Variants in TTI2 observed in about 807,000 individuals in gnomAD.
TTI2 encodes TELO2 interacting protein 2.
Under a neutral mutation model 44.9 loss-of-function variants are expected in TTI2, and 26 were observed. That is an observed-to-expected ratio of 0.58 (90% CI 0.42 to 0.80). The LOEUF (loss-of-function observed/expected upper bound fraction) is 0.80, where lower values mean the gene tolerates loss of function less well. Ranked by LOEUF, TTI2 falls within the 30% of genes least tolerant of loss-of-function variation. TTI2 has a pLI of 0.00. For missense variants in TTI2, 582 were observed against 611.6 expected (o/e 0.95, Z 0.51); for synonymous variants, 254 against 250.9 (o/e 1.01, Z -0.12).
intron 4 of TTI2, 26 bp downstream of exon 4, chr8:33,507,203 C>T: frequency 6.3e-7 from 1 of 1,593,294 alleles, no homozygotes; most frequent in Admixed American, 1.7e-5. Context: ...AATCCAGACC[C>T]AGTTATGAAG....
At chr8:33,502,696 G>T (rs1181095454) in intron 6 of TTI2, among the ~76,000 whole-genome samples, 2 of 151,644 alleles carry the variant, frequency 1.3e-5, no homozygotes, top group Non-Finnish European at 2.9e-5. Flanking sequence ...CATGGTGGAG[G>T]GCACCTGTAA....
intron 7 of TTI2, chr8:33,499,634 A>G (rs187036430): frequency 5.0e-6 from 1 of 201,258 alleles, no homozygotes; most frequent in Admixed American, 5.4e-5. Context: ...TAAAATAACA[A>G]TTCATACTAT....
intron 4 of TTI2, among the ~76,000 whole-genome samples, chr8:33,506,389 C>CTTTT (rs10542848): frequency 9.4e-6 from 1 of 106,914 alleles, no homozygotes; most frequent in Non-Finnish European, 2.0e-5. Flanking sequence ...AAGTAACGTA[C>CTTTT]TTTTTTTTTT....
At chr8:33,508,281 A>G (rs1809379675) in intron 3 of TTI2, among the ~76,000 whole-genome samples, 1 of 151,628 alleles carries the variant, frequency 6.6e-6, no homozygotes, top group African/African-American at 2.4e-5. Flanking sequence ...TTTGGTTTCT[A>G]GATCCAGGAA....
chr8:33,509,836 T>C lies in TTI2; in HGVS notation c.744A>G (p.Val248=). The change falls in exon 3 of 8, where the codon GTA becomes GTG. Residue 248 remains valine, a synonymous_variant. Coordinates refer to ENST00000431156, the MANE Select transcript of TTI2 (RefSeq NM_001102401.4). ...CTGAAATGACCAATGATGCGGGAAGTACCCTTTCCAGATGCTGGCTCAGCC... is the reference window on the plus strand; with the variant it reads ...CTGAAATGACCAATGATGCGGGAAGCACCCTTTCCAGATGCTGGCTCAGCC... ...RPWLSQHLER[V]LPASLVISDD... The C allele has an allele frequency of 6.2e-7, 1 of 1,614,140 alleles. No individual in the cohort carries two copies. Among genetic ancestry groups the C allele is most frequent in the Non-Finnish European group, 8.5e-7 (1 of 1,179,980 alleles).
At position 33,512,323 on chromosome 8, in the gene TTI2, C is replaced by T. The variant is rs1809569160; in HGVS notation, c.291G>A (p.Lys97=). 1 of 1,614,090 alleles carries T rather than the reference C, an allele frequency of 6.2e-7. No homozygotes were observed. Among genetic ancestry groups the T allele is most frequent in the Admixed American group, 1.7e-5 (1 of 60,002 alleles). Residue 97 remains lysine (K), a synonymous_variant, in exon 2 of 8, where the codon AAG becomes AAA. Coordinates refer to ENST00000431156, the MANE Select transcript of TTI2 (RefSeq NM_001102401.4). Reference sequence around the variant, plus strand: ...GCCCATCACCTCCACCTTCCTCCTCCTTGGAGGGGGCTGCATACTTCTCCA... The same window carrying T: ...GCCCATCACCTCCACCTTCCTCCTCTTTGGAGGGGGCTGCATACTTCTCCA... ...KALEKYAAPS[K]EEEGGGDGHS...
In TTI2 at chr8:33,503,926, G is replaced by A; in HGVS notation, c.937C>T (p.Leu313=). The A allele has an allele frequency of 6.2e-7, 1 of 1,614,044 alleles. No homozygotes were observed. The highest frequency in any genetic ancestry group is 8.5e-7 in the Non-Finnish European group (1 of 1,180,022). ...ATGGGGAATAAATCCAGCAGACACA[G>A]GAGCACAGCCTAGGAGGAAGGAATG... The part of the protein sequence containing the change: ...PEHHLIQAVL[L]CLLDLFPILE... The change falls in exon 5 of 8, where the codon CTG becomes TTG. Residue 313 remains leucine (L), a synonymous_variant. Coordinates refer to ENST00000431156, the MANE Select transcript of TTI2 (RefSeq NM_001102401.4).
Position 33,499,204 on chromosome 8 carries a change from A to G in TTI2, c.1496T>C (p.Val499Ala), listed in dbSNP as rs537908079. The change falls in exon 8 of 8, where the codon GTT becomes GCT. Residue 499 changes from valine (V) to alanine (A), a missense_variant. Transcript: ENST00000431156. The stretch of plus-strand genomic sequence containing the variant: ...TCCATTGTAGGGTGCGCCTTCAGAA[A>G]CCTGCTGCACTTTTCTGATATAGTT... ...VVNYIRKVQQ[V>A]SEGAPYNGT 1.4e-5 allele frequency: 23 copies of G among 1,614,120 alleles called. No individual in the cohort carries two copies. In the East Asian group the frequency reaches 4.9e-4, roughly 34 times the overall value.
At position 33,509,791 on chromosome 8, in the gene TTI2, G is replaced by T; in HGVS notation, c.789C>A (p.Asn263Lys). ...GGAGACAGTGTACACCCAGGATTTTGTTCTCAGTCTGATAGTCATCTGAAA... is the reference window on the plus strand; with the variant it reads ...GGAGACAGTGTACACCCAGGATTTTTTTCTCAGTCTGATAGTCATCTGAAA... ...LVISDDYQTENKILGVHCLHH... is the reference protein window; with the variant it reads ...LVISDDYQTEKKILGVHCLHH... Residue 263 changes from asparagine to lysine, a missense_variant, in exon 3 of 8, where the codon AAC becomes AAA. Transcript: ENST00000431156. 1 of 1,614,098 alleles carries T rather than the reference G, an allele frequency of 6.2e-7. No homozygotes were observed. The highest frequency in any genetic ancestry group is 8.5e-7 in the Non-Finnish European group (1 of 1,180,020).
At chr8:33,503,343 A>G in intron 6 of TTI2, 86 bp downstream of exon 6, 1 of 1,570,842 alleles carries the variant, frequency 6.4e-7, no homozygotes, top group South Asian at 1.1e-5. Context: ...TATACATTTA[A>G]TACTTTGTAC....
chr8:33,500,295 G>A, intron 7 of TTI2, 33 bp downstream of exon 7: 1 of 1,613,128 alleles, frequency 6.2e-7, no homozygotes, highest in Non-Finnish European at 8.5e-7. Flanking sequence ...GGATAATGAG[G>A]CCCAACTGAA....
chr8:33,502,822 T>G (rs1481110559), intron 6 of TTI2, among the ~76,000 whole-genome samples: 1 of 130,148 alleles, frequency 7.7e-6, no homozygotes. Flanking sequence ...CAATACTCCA[T>G]CTCAAAAACA....
chr8:33,505,616 A>G (rs1809266312), intron 4 of TTI2, among the ~76,000 whole-genome samples: 1 of 151,716 alleles, frequency 6.6e-6, no homozygotes, highest in South Asian at 2.1e-4. Context: ...CAGCCTCCTG[A>G]GTAGCTGGGA....
In TTI2 at chr8:33,509,745, CCACATTAAG is replaced by C; in HGVS notation, c.826_834del (p.Leu276_Val278del). 6.2e-7 allele frequency: 1 copy of C among 1,613,648 alleles called. No homozygotes were observed. The highest frequency in any genetic ancestry group is 8.5e-7 in the Non-Finnish European group (1 of 1,179,640). On this transcript the variant is annotated inframe_deletion and splice_region_variant, in exon 3 of 8. Coordinates refer to ENST00000431156, the MANE Select transcript of TTI2 (RefSeq NM_001102401.4). ...CAGATGACAAGCCAGAGGTTGCTTACCACATTAAGCACAATGTGATGGAGACAGTGTACA... is the reference window on the plus strand; with the variant it reads ...CAGATGACAAGCCAGAGGTTGCTTACCACAATGTGATGGAGACAGTGTACA...
At chr8:33,511,076 T>C (rs1386433115) in intron 2 of TTI2, among the ~76,000 whole-genome samples, 1 of 152,152 alleles carries the variant, frequency 6.6e-6, no homozygotes, top group Non-Finnish European at 1.5e-5. Context: ...GATGTCTTGC[T>C]CTGTTGCCCA....
At chr8:33,499,324 T>A in intron 7 of TTI2, 47 bp from the exon 8 acceptor site, 1 of 1,330,728 alleles carries the variant, frequency 7.5e-7, no homozygotes, top group Non-Finnish European at 1.1e-6. Context: ...TTTTTTTAAT[T>A]ACTTTCCCCT....
chr8:33,504,998 G>A (rs566296998), intron 4 of TTI2, among the ~76,000 whole-genome samples: 8 of 152,260 alleles, frequency 5.3e-5, no homozygotes, highest in South Asian at 2.1e-4. Context: ...CAAGGCGGGC[G>A]GATCACTTGA....
At chr8:33,500,243 C>G in intron 7 of TTI2, 85 bp downstream of exon 7, 1 of 1,522,672 alleles carries the variant, frequency 6.6e-7, no homozygotes, top group East Asian at 2.3e-5. Context: ...CTTGGTCAGG[C>G]ACATACATAG....
intron 4 of TTI2, among the ~76,000 whole-genome samples, chr8:33,506,075 G>A (rs12682046): frequency 0.55 from 84,252 of 152,028 alleles, 23,868 homozygotes; most frequent in Non-Finnish European, 0.61. Flanking sequence ...GTGAGCCCTC[G>A]CGCCTGGCCA....
Sources: allele counts gnomAD v4.1 joint callset (sites outside exome capture counted in the v4.1 genomes callset), GRCh38; gene constraint gnomAD v4.1.1; transcripts MANE v1.5; gene names NCBI Gene and HGNC (gene_info 2026-07-23, HGNC 2026-07-21).